Variants in MACO1 observed in about 807,000 individuals in gnomAD.
MACO1 encodes macoilin 1.
In MACO1, 14 loss-of-function variants were observed where a neutral mutation model predicts 78.7. The observed-to-expected ratio is 0.18, with a 90% CI of 0.12 to 0.28. The LOEUF (loss-of-function observed/expected upper bound fraction) is 0.28, where lower values mean the gene tolerates loss of function less well. Ranked by LOEUF, MACO1 falls within the 10% of genes least tolerant of loss-of-function variation. The probability of loss-of-function intolerance (pLI) is 1.00; values close to 1 mark genes in which losing one functional copy is unlikely to be tolerated. For synonymous variants in MACO1, 288 were observed against 291.6 expected, an observed-to-expected ratio of 0.99 and a Z score of 0.12; for missense variants, 501 against 799.0, an observed-to-expected ratio of 0.63 and a Z score of 4.50.
At chr1:25,474,594 G>C (rs757269170) in intron 6 of MACO1, among the ~76,000 whole-genome samples, 7 of 152,184 alleles carry the variant, frequency 4.6e-5, no homozygotes, top group Non-Finnish European at 8.8e-5. Context: ...CTGACTGTGA[G>C]GCTTTCATAC....
chr1:25,449,058 T>C (rs1239234351), intron 3 of MACO1, 124 bp downstream of exon 3: 1 of 722,198 alleles, frequency 1.4e-6, no homozygotes, highest in Non-Finnish European at 1.9e-6. Context: ...TTTCTTTTCT[T>C]AATAGGTTAT....
intron 10 of MACO1, among the ~76,000 whole-genome samples, chr1:25,495,835 G>A (rs1399197634): frequency 1.3e-5 from 2 of 152,114 alleles, no homozygotes; most frequent in African/African-American, 2.4e-5. Flanking sequence ...GATGGCACAC[G>A]CCTGTAACCC....
chr1:25,448,152 CTT>C (rs35789222), intron 2 of MACO1, among the ~76,000 whole-genome samples: 64,985 of 151,848 alleles, frequency 0.43, 15,363 homozygotes, highest in Non-Finnish European at 0.54. Flanking sequence ...AGAGAGAAGA[CTT>C]TTCTGTATTA....
intron 3 of MACO1, among the ~76,000 whole-genome samples, chr1:25,451,462 ATTT>A (rs764763997): frequency 6.6e-6 from 1 of 152,014 alleles, no homozygotes; most frequent in African/African-American, 2.4e-5. Flanking sequence ...TAATTTTTCT[ATTT>A]TTTTCTGTAA....
chr1:25,484,033 C>T, intron 6 of MACO1, 83 bp from the exon 7 acceptor site: 2 of 1,380,738 alleles, frequency 1.4e-6, no homozygotes, highest in Non-Finnish European at 1.9e-6. Flanking sequence ...ATTCACCCAG[C>T]AGTCCAGGAC....
intron 10 of MACO1, among the ~76,000 whole-genome samples, chr1:25,493,571 A>T (rs2043507917): frequency 1.3e-5 from 2 of 152,158 alleles, no homozygotes; most frequent in South Asian, 4.1e-4. Context: ...TTATTCATTT[A>T]AAAATAACAT....
chr1:25,456,395 T>C (rs2043120923), intron 4 of MACO1, among the ~76,000 whole-genome samples: 1 of 152,210 alleles, frequency 6.6e-6, no homozygotes, highest in Admixed American at 6.5e-5. Context: ...ATTTGAAGAA[T>C]GCCAACGTCT....
At chr1:25,495,780 A>G (rs34605785) in intron 10 of MACO1, among the ~76,000 whole-genome samples, 65,557 of 151,968 alleles carry the variant, frequency 0.43, 15,072 homozygotes, top group East Asian at 0.73. Flanking sequence ...TGGCCAACAT[A>G]GTGAAACCCC....
At chr1:25,454,144 A>G (rs2043093754) in intron 3 of MACO1, 115 bp from the exon 4 acceptor site, 2 of 1,219,656 alleles carry the variant, frequency 1.6e-6, no homozygotes, top group African/African-American at 3.1e-5. Context: ...CTTTTAATTT[A>G]GTTTAGGTGA....
intron 1 of MACO1, among the ~76,000 whole-genome samples, chr1:25,437,233 C>T (rs1056729365): frequency 7.0e-6 from 1 of 143,384 alleles, no homozygotes; most frequent in Non-Finnish European, 1.5e-5. Context: ...CTCCTGGGTT[C>T]AAGAGATCCT....
rs777621414 is a variant in MACO1, at chr1:25,454,397, AATGT to A, written c.473+20_473+23del. The stretch of plus-strand genomic sequence containing the variant: ...GCTGCTCACTGGTAAGTATTACATA[AATGT>A]ATGTGTGTGTGTGTGTATATGTGTG... On this transcript the variant is annotated intron_variant, in intron 4 of 10. Coordinates refer to ENST00000374343, the MANE Select transcript of MACO1 (RefSeq NM_018202.6). The A allele has an allele frequency of 2.9e-5, 42 of 1,453,290 alleles. No individual in the cohort carries two copies. The highest frequency in any genetic ancestry group is 3.6e-4 in the Middle Eastern group (2 of 5,512). The allele number at this position is 1,453,290 out of a possible 1,614,324, so 90.0% of individuals were successfully genotyped here.
In MACO1 at chr1:25,458,628, G is replaced by C. The variant is rs767124925; in HGVS notation, c.890G>C (p.Arg297Thr). 6.2e-7 allele frequency: 1 copy of C among 1,614,036 alleles called. No individual in the cohort carries two copies. The highest frequency in any genetic ancestry group is 2.2e-5 in the East Asian group (1 of 44,878). Residue 297 changes from arginine to threonine, a missense_variant, in exon 6 of 11, where the codon AGA becomes ACA. Around this residue, in one of 5 missense-constraint regions of MACO1, gnomAD observed 90 missense variants for 85.7 expected, o/e 1.05. Transcript: ENST00000374343. ...ATGGAAAACCATATCAATAGTAAAA[G>C]ATTAAATAATGATCTTGTGGGAAGT... ...EYMENHINSK[R>T]LNNDLVGSTE...
chr1:25,433,657 A>G (rs1190302452), intron 1 of MACO1, among the ~76,000 whole-genome samples: 1 of 152,176 alleles, frequency 6.6e-6, no homozygotes, highest in Non-Finnish European at 1.5e-5. Flanking sequence ...TGAAAAGCGC[A>G]CTGGACTGCA....
chr1:25,468,651 T>C lies in MACO1; in HGVS notation c.1154+9759T>C, dbSNP rs186703570. Among the ~76,000 whole-genome samples the C allele has an allele frequency of 9.2e-5, 14 of 152,368 alleles. No homozygotes were observed. In the East Asian group the frequency reaches 2.5e-3, roughly 27 times the overall value. ...AGGCACATCAAAATGATATTACTTA[T>C]AACTTGGTTTGCTCCCATAATTAGT... On this transcript the variant is annotated intron_variant, in intron 6 of 10. Transcript: ENST00000374343.
At chr1:25,490,350 A>G (rs950974515) in intron 9 of MACO1, among the ~76,000 whole-genome samples, 2 of 152,260 alleles carry the variant, frequency 1.3e-5, no homozygotes, top group Non-Finnish European at 2.9e-5. Flanking sequence ...GTGACTGATA[A>G]GATCATAAAA....
intron 6 of MACO1, among the ~76,000 whole-genome samples, chr1:25,467,270 A>G (rs1333877947): frequency 6.6e-6 from 1 of 152,204 alleles, no homozygotes; most frequent in Non-Finnish European, 1.5e-5. Context: ...AAAAAAATAA[A>G]AAAGAAATCA....
chr1:25,458,916 A>G, intron 6 of MACO1, 24 bp downstream of exon 6: 2 of 1,590,334 alleles, frequency 1.3e-6, no homozygotes, highest in Non-Finnish European at 1.7e-6. Context: ...CTGCATCCTT[A>G]CTAACACTTT....
Position 25,491,597 on chromosome 1 carries a change from G to A in MACO1, c.1792+13G>A. The A allele has an allele frequency of 6.2e-7, 1 of 1,613,010 alleles. No individual in the cohort carries two copies. The highest frequency in any genetic ancestry group is 8.5e-7 in the Non-Finnish European group (1 of 1,179,132). On this transcript the variant is annotated intron_variant, in intron 10 of 10. Transcript: ENST00000374343. ...GAGATTGCCCAAGGTAGGAGAACGTGGGCCCCTGGTGAGGTGGTGTGACTG... is the reference window on the plus strand; with the variant it reads ...GAGATTGCCCAAGGTAGGAGAACGTAGGCCCCTGGTGAGGTGGTGTGACTG...
At chr1:25,482,946 A>G (rs777616774) in intron 6 of MACO1, among the ~76,000 whole-genome samples, 9 of 152,062 alleles carry the variant, frequency 5.9e-5, no homozygotes, top group Non-Finnish European at 1.2e-4. Context: ...TCCTTGTCTT[A>G]TTGTTTAATC....
Sources: gnomAD v4.1 joint callset for allele counts (sites outside exome capture counted in the v4.1 genomes callset) on GRCh38, gnomAD v4.1.1 for gene constraint, gnomAD v4.1.1 regional missense constraint, MANE v1.5 for transcripts, NCBI Gene and HGNC (gene_info 2026-07-23, HGNC 2026-07-21) for gene names.